The following QKI variants were observed in gnomAD, a reference collection of about 807,000 sequenced individuals.
The protein encoded by QKI is KH domain-containing RNA-binding protein QKI.
QKI carries 10 observed loss-of-function variants against 39.0 expected under a neutral mutation model. The ratio of observed to expected loss-of-function variants is 0.26; its 90% CI spans 0.16 to 0.43. QKI has a LOEUF of 0.43. Ranked by LOEUF, QKI falls within the 20% of genes least tolerant of loss-of-function variation. The pLI, the probability that QKI is intolerant of heterozygous loss-of-function variation, is 1.00. For missense variants in QKI, 218 were observed against 428.0 expected, an observed-to-expected ratio of 0.51 and a Z score of 4.33; for synonymous variants, 204 against 155.4, an observed-to-expected ratio of 1.31 and a Z score of -2.33.
intron 3 of QKI, among the ~76,000 whole-genome samples, chr6:163,485,407 A>C (rs183314990): frequency 3.2e-4 from 49 of 152,336 alleles, no homozygotes; most frequent in African/African-American, 1.1e-3. Context: ...TAAGCCATTA[A>C]AACAGAACAG....
At chr6:163,420,320 T>C (rs1787899600) in intron 1 of QKI, among the ~76,000 whole-genome samples, 1 of 152,056 alleles carries the variant, frequency 6.6e-6, no homozygotes, top group Non-Finnish European at 1.5e-5. Flanking sequence ...GCTAATACAT[T>C]TGTTTGATTT....
chr6:163,526,492 G>T (rs146971310), intron 3 of QKI, among the ~76,000 whole-genome samples: 1 of 152,272 alleles, frequency 6.6e-6, no homozygotes, highest in East Asian at 1.9e-4. Flanking sequence ...GGGCAGTAAC[G>T]AATTTTATGT....
At chr6:163,419,911 C>T (rs775239992) in intron 1 of QKI, among the ~76,000 whole-genome samples, 2 of 152,168 alleles carry the variant, frequency 1.3e-5, no homozygotes, top group Non-Finnish European at 2.9e-5. Flanking sequence ...GCTTTATGCA[C>T]ATTATATTTC....
At chr6:163,443,589 C>T (rs146857934) in intron 1 of QKI, among the ~76,000 whole-genome samples, 7 of 151,374 alleles carry the variant, frequency 4.6e-5, no homozygotes, top group Admixed American at 4.6e-4. Context: ...AACAACAACT[C>T]CTCTTGGCTT....
At chr6:163,524,056 A>G (rs577893126) in intron 3 of QKI, among the ~76,000 whole-genome samples, 2 of 152,138 alleles carry the variant, frequency 1.3e-5, no homozygotes, top group African/African-American at 2.4e-5. Flanking sequence ...TCCCTTTACT[A>G]TTCGTTGTCC....
chr6:163,559,800 G>T (rs1044156543), intron 4 of QKI, among the ~76,000 whole-genome samples: 8 of 152,148 alleles, frequency 5.3e-5, no homozygotes, highest in Non-Finnish European at 1.2e-4. Flanking sequence ...TGTCATTACA[G>T]CTATAATAGA....
chr6:163,492,970 C>T (rs1459112672), intron 3 of QKI, among the ~76,000 whole-genome samples: 1 of 151,994 alleles, frequency 6.6e-6, no homozygotes, highest in African/African-American at 2.4e-5. Flanking sequence ...AAGCCTTTCA[C>T]GTTTAGTGTA....
At chr6:163,517,034 G>A (rs1195331706) in intron 3 of QKI, among the ~76,000 whole-genome samples, 1 of 117,734 alleles carries the variant, frequency 8.5e-6, no homozygotes, top group Non-Finnish European at 1.8e-5. Context: ...AAGCAGTAGG[G>A]GACACACACA....
At chr6:163,529,655 C>G (rs1488035667) in intron 3 of QKI, among the ~76,000 whole-genome samples, 1 of 152,114 alleles carries the variant, frequency 6.6e-6, no homozygotes, top group East Asian at 1.9e-4. Flanking sequence ...AGTAATACAG[C>G]ATGGAGTAAA....
At chr6:163,469,232 A>AGTTTTT (rs1272579490) in intron 2 of QKI, among the ~76,000 whole-genome samples, 1 of 152,174 alleles carries the variant, frequency 6.6e-6, no homozygotes, top group Non-Finnish European at 1.5e-5. Flanking sequence ...AAGGAGGGTT[A>AGTTTTT]ATACTTGAAA....
intron 1 of QKI, among the ~76,000 whole-genome samples, chr6:163,444,835 T>C (rs902125992): frequency 2.0e-5 from 3 of 152,188 alleles, no homozygotes; most frequent in African/African-American, 7.2e-5. Flanking sequence ...ACAGCTTTCA[T>C]ACTTTGTCAC....
intron 2 of QKI, among the ~76,000 whole-genome samples, chr6:163,472,520 C>T (rs939270432): frequency 2.0e-5 from 3 of 152,142 alleles, no homozygotes; most frequent in African/African-American, 7.2e-5. Context: ...TGCCTTTACA[C>T]ATATACAGCA....
At chr6:163,465,212 C>T (rs1483507705) in intron 2 of QKI, among the ~76,000 whole-genome samples, 2 of 152,092 alleles carry the variant, frequency 1.3e-5, no homozygotes, top group East Asian at 1.9e-4. Flanking sequence ...TGTGACAGGC[C>T]CACAGCTGAC....
At chr6:163,500,334 G>A (rs1385736552) in intron 3 of QKI, among the ~76,000 whole-genome samples, 1 of 152,156 alleles carries the variant, frequency 6.6e-6, no homozygotes, top group Non-Finnish European at 1.5e-5. Flanking sequence ...GGATTCATTA[G>A]TTGGCTGTTG....
intron 7 of QKI, chr6:163,567,785 T>A: frequency 1.0e-6 from 1 of 985,252 alleles, no homozygotes; most frequent in Non-Finnish European, 1.2e-6. Context: ...ATTAAATTGA[T>A]CAAAGTCTCA....
intron 1 of QKI, among the ~76,000 whole-genome samples, chr6:163,439,239 T>C (rs1789547427): frequency 6.6e-6 from 1 of 152,094 alleles, no homozygotes; most frequent in Non-Finnish European, 1.5e-5. Context: ...GAGCATGTAT[T>C]ACATGACAGA....
intron 3 of QKI, among the ~76,000 whole-genome samples, chr6:163,526,104 A>G (rs1309490526): frequency 6.6e-6 from 1 of 152,224 alleles, no homozygotes; most frequent in Non-Finnish European, 1.5e-5. Context: ...TTTAGGAATC[A>G]TACATACCAG....
Position 163,554,429 on chromosome 6 carries a change from A to G in QKI, c.547-7553A>G, listed in dbSNP as rs138305581. Among the ~76,000 whole-genome samples, 716 of 152,338 alleles carry G rather than the reference A, an allele frequency of 4.7e-3. 8 individuals are homozygous for G. Among genetic ancestry groups the G allele is most frequent in the African/African-American group, 0.016 (670 of 41,574 alleles). On this transcript the variant is annotated intron_variant, in intron 4 of 7. Transcript: ENST00000361752. ...AGCATTGGAAAGCATATGGCAGTTC[A>G]GTTTGGAACTTAGTAACTGCCACAT...
At chr6:163,416,071 G>T in intron 1 of QKI, 1 of 309,944 alleles carries the variant, frequency 3.2e-6, no homozygotes, top group South Asian at 2.2e-5. Flanking sequence ...GGGGGGGGTG[G>T]AGTGCGAAAT....
Sources: gnomAD v4.1 joint callset for allele counts (sites outside exome capture counted in the v4.1 genomes callset) on GRCh38, gnomAD v4.1.1 for gene constraint, MANE v1.5 for transcripts, NCBI Gene and HGNC (gene_info 2026-07-23, HGNC 2026-07-21) for gene names.